The following CAMKMT variants were observed in gnomAD, a reference collection of about 807,000 sequenced individuals.
CAMKMT encodes the protein calmodulin-lysine N-methyltransferase.
Under a neutral mutation model 48.0 loss-of-function variants are expected in CAMKMT, and 53 were observed. The observed-to-expected ratio is 1.10, with a 90% CI of 0.89 to 1.39. The LOEUF is 1.39. CAMKMT is among the 40% of genes most tolerant of loss of function. CAMKMT has a pLI of 0.00. For missense variants in CAMKMT, 428 were observed against 402.7 expected (o/e 1.06, Z -0.54); for synonymous variants, 165 against 152.3 (o/e 1.08, Z -0.61).
At chr2:44,692,630 A>T (rs1676725476) in intron 3 of CAMKMT, among the ~76,000 whole-genome samples, 1 of 152,168 alleles carries the variant, frequency 6.6e-6, no homozygotes, top group African/African-American at 2.4e-5. Context: ...AATGAGGCTT[A>T]AAAAGTTTAA....
chr2:44,505,328 C>G (rs888683100), intron 3 of CAMKMT, among the ~76,000 whole-genome samples: 1 of 152,180 alleles, frequency 6.6e-6, no homozygotes, highest in Non-Finnish European at 1.5e-5. Flanking sequence ...AATGTTTTCT[C>G]TCAGTCTGCA....
intron 3 of CAMKMT, among the ~76,000 whole-genome samples, chr2:44,681,107 A>G (rs1198479063): frequency 1.3e-5 from 2 of 152,180 alleles, no homozygotes; most frequent in Admixed American, 1.3e-4. Flanking sequence ...TCATCTCTTT[A>G]AAAGCTTTAG....
intron 3 of CAMKMT, among the ~76,000 whole-genome samples, chr2:44,648,380 A>G (rs536080640): frequency 2.6e-5 from 4 of 152,280 alleles, no homozygotes; most frequent in South Asian, 2.1e-4. Flanking sequence ...ATGATTATTT[A>G]TTAAATTTTC....
At chr2:44,551,691 G>A (rs1667725172) in intron 3 of CAMKMT, among the ~76,000 whole-genome samples, 1 of 152,188 alleles carries the variant, frequency 6.6e-6, no homozygotes, top group Non-Finnish European at 1.5e-5. Flanking sequence ...TCATGTCACT[G>A]TAGATGAATT....
intron 7 of CAMKMT, among the ~76,000 whole-genome samples, chr2:44,739,732 A>G (rs770219829): frequency 7.2e-5 from 11 of 152,150 alleles, no homozygotes; most frequent in Non-Finnish European, 1.0e-4. Flanking sequence ...GTGAATTTTA[A>G]GAGAATGAGA....
At chr2:44,473,098 A>G (rs574731730) in intron 3 of CAMKMT, among the ~76,000 whole-genome samples, 167 of 152,288 alleles carry the variant, frequency 1.1e-3, no homozygotes, top group African/African-American at 3.9e-3. Flanking sequence ...GGTGGAAGGA[A>G]TGTTTCCATT....
At chr2:44,575,481 G>A (rs1210733288) in intron 3 of CAMKMT, among the ~76,000 whole-genome samples, 1 of 152,178 alleles carries the variant, frequency 6.6e-6, no homozygotes, top group African/African-American at 2.4e-5. Flanking sequence ...ATATTCCTAA[G>A]ATTTTTATCG....
intron 3 of CAMKMT, among the ~76,000 whole-genome samples, chr2:44,630,218 T>C (rs1672735740): frequency 6.6e-6 from 1 of 150,718 alleles, no homozygotes; most frequent in Non-Finnish European, 1.5e-5. Flanking sequence ...ACTGGATCCC[T>C]TCCTTACACC....
chr2:44,546,183 A>G (rs1667389822), intron 3 of CAMKMT, among the ~76,000 whole-genome samples: 1 of 151,362 alleles, frequency 6.6e-6, no homozygotes, highest in Non-Finnish European at 1.5e-5. Flanking sequence ...ACACACACAC[A>G]CACACACACA....
chr2:44,641,516 G>C (rs1199285370), intron 3 of CAMKMT, among the ~76,000 whole-genome samples: 1 of 151,066 alleles, frequency 6.6e-6, no homozygotes, highest in African/African-American at 2.4e-5. Context: ...TGCTGTTATA[G>C]AGCCAAGTTC....
intron 3 of CAMKMT, among the ~76,000 whole-genome samples, chr2:44,595,347 C>T (rs1428115995): frequency 6.6e-6 from 1 of 152,184 alleles, no homozygotes; most frequent in East Asian, 1.9e-4. Context: ...CGCAGGTGAT[C>T]TGCCCGCCTC....
intron 3 of CAMKMT, among the ~76,000 whole-genome samples, chr2:44,588,187 AAACCCTCTGCCTGGCAACCGCCCCGTCT>A (rs1669993451): frequency 8.1e-6 from 1 of 123,924 alleles, no homozygotes; most frequent in Admixed American, 8.3e-5. Context: ...AGAAGTGAGG[AAACCCTCTGCCTGGCAACCGCCCCGTCT>A]GAGAAGTGAG....
At chr2:44,705,983 TAA>T (rs1360748072) in intron 4 of CAMKMT, among the ~76,000 whole-genome samples, 1 of 152,188 alleles carries the variant, frequency 6.6e-6, no homozygotes, top group Non-Finnish European at 1.5e-5. Flanking sequence ...AGTTTAGTTC[TAA>T]AAGACAGCGC....
At chr2:44,480,363 G>A (rs552291410) in intron 3 of CAMKMT, among the ~76,000 whole-genome samples, 42 of 152,124 alleles carry the variant, frequency 2.8e-4, no homozygotes, top group Non-Finnish European at 5.7e-4. Flanking sequence ...TATAACAATT[G>A]TAATTCATTC....
intron 3 of CAMKMT, among the ~76,000 whole-genome samples, chr2:44,527,503 C>A (rs1481645276): frequency 6.8e-6 from 1 of 147,570 alleles, no homozygotes; most frequent in African/African-American, 2.5e-5. Flanking sequence ...CTCAAGACAT[C>A]CAGCTTTGGC....
At chr2:44,383,965 A>C (rs1398600773) in intron 2 of CAMKMT, among the ~76,000 whole-genome samples, 1 of 152,080 alleles carries the variant, frequency 6.6e-6, no homozygotes, top group Non-Finnish European at 1.5e-5. Flanking sequence ...TCGAATAATG[A>C]CTTATTTTCC....
chr2:44,518,688 G>A (rs930937172), intron 3 of CAMKMT, among the ~76,000 whole-genome samples: 3 of 152,140 alleles, frequency 2.0e-5, no homozygotes, highest in Non-Finnish European at 4.4e-5. Flanking sequence ...GGTCATGAAG[G>A]TAAATGATAT....
rs113764443 is a variant in CAMKMT at position 44,627,128 on chromosome 2, T to C, written c.377-77155T>C. Among the ~76,000 whole-genome samples, 573 of 152,340 alleles carry C rather than the reference T, an allele frequency of 3.8e-3. 6 individuals are homozygous for C. Among genetic ancestry groups the C allele is most frequent in the African/African-American group, 0.013 (549 of 41,588 alleles). On this transcript the variant is annotated intron_variant, in intron 3 of 10. Transcript: ENST00000378494. ...TTTCCTGCCTCTTTTGAGATGATTG[T>C]ATAGCTTTTCTCCTTTACTTTGTTA... is the stretch of plus-strand genomic sequence containing the variant.
chr2:44,603,766 A>G (rs1162879079), intron 3 of CAMKMT, among the ~76,000 whole-genome samples: 5 of 152,174 alleles, frequency 3.3e-5, no homozygotes, highest in South Asian at 4.1e-4. Context: ...CCCAGATTCT[A>G]TTTGCATTCT....
Sources: gnomAD v4.1 joint callset for allele counts (sites outside exome capture counted in the v4.1 genomes callset) on GRCh38, gnomAD v4.1.1 for gene constraint, MANE v1.5 for transcripts, NCBI Gene and HGNC (gene_info 2026-07-23, HGNC 2026-07-21) for gene names.